The following CCDC158 variants were observed in gnomAD, a reference collection of about 807,000 sequenced individuals.
The protein encoded by CCDC158 is coiled-coil domain-containing protein 158.
CCDC158 carries 116 observed loss-of-function variants against 138.6 expected under a neutral mutation model. That is an observed-to-expected ratio of 0.84 (90% CI 0.72 to 0.98). The LOEUF is 0.98. CCDC158 is among the 50% of genes least tolerant of loss of function. CCDC158 has a pLI of 0.00. For synonymous variants in CCDC158, 436 were observed against 442.4 expected, an observed-to-expected ratio of 0.99 and a Z score of 0.18; for missense variants, 1,265 against 1,306.1, an observed-to-expected ratio of 0.97 and a Z score of 0.48.
At chr4:76,390,656 G>T (rs980822786) in intron 4 of CCDC158, among the ~76,000 whole-genome samples, 4 of 151,952 alleles carry the variant, frequency 2.6e-5, no homozygotes, top group Non-Finnish European at 5.9e-5. Context: ...AACATAAATG[G>T]ACTAAATTGT....
At chr4:76,396,245 G>A (rs1269366291) in intron 4 of CCDC158, 24 bp downstream of exon 4, 1 of 1,527,420 alleles carries the variant, frequency 6.5e-7, no homozygotes, top group South Asian at 1.1e-5. Flanking sequence ...ATAGCATCAG[G>A]TGCTAGAAGA....
At chr4:76,395,583 T>C (rs1310606425) in intron 4 of CCDC158, among the ~76,000 whole-genome samples, 1 of 152,012 alleles carries the variant, frequency 6.6e-6, no homozygotes, top group Non-Finnish European at 1.5e-5. Context: ...GAAAATGGCC[T>C]GGGCAAAGGC....
chr4:76,332,696 G>A (rs561613399), intron 19 of CCDC158, among the ~76,000 whole-genome samples: 42 of 152,226 alleles, frequency 2.8e-4, no homozygotes, highest in African/African-American at 1.0e-3. Flanking sequence ...AAAGCTTTAC[G>A]CTGAGTTTAG....
In CCDC158 at chr4:76,391,418, C is replaced by T. The variant is rs147362734; in HGVS notation, c.288+4851G>A. On this transcript the variant is annotated intron_variant, in intron 4 of 24. Transcript: ENST00000682701. ...ATACACAGAAATTAAACAATATGCT[C>T]CTAAATGACCAGTGAGTCAATGAAG... Among the ~76,000 whole-genome samples the T allele has an allele frequency of 5.1e-4, 77 of 151,920 alleles. 1 individual carries two copies. Among genetic ancestry groups the T allele is most frequent in the African/African-American group, 1.8e-3 (73 of 41,480 alleles).
chr4:76,378,656 T>C (rs1725941991), intron 9 of CCDC158, among the ~76,000 whole-genome samples: 1 of 151,414 alleles, frequency 6.6e-6, no homozygotes. Context: ...TTGTTTGTTT[T>C]TTAGGGTCTT....
chr4:76,348,290 C>T (rs1364785905), intron 18 of CCDC158, among the ~76,000 whole-genome samples: 1 of 144,492 alleles, frequency 6.9e-6, no homozygotes, highest in Non-Finnish European at 1.5e-5. Context: ...AAAAAATTAG[C>T]CAGGCGAGGT....
At chr4:76,401,932 A>C (rs564491400) in intron 3 of CCDC158, 1 of 152,472 alleles carries the variant, frequency 6.6e-6, no homozygotes, top group African/African-American at 2.4e-5. Flanking sequence ...GGAGATGACA[A>C]TGGCATTTTA....
intron 8 of CCDC158, 84 bp downstream of exon 8, chr4:76,382,526 T>C (rs1726361867): frequency 2.4e-6 from 2 of 841,798 alleles, no homozygotes; most frequent in South Asian, 1.7e-5. Context: ...ACTAAGCAAG[T>C]TCTAAAAGAT....
chr4:76,333,977 G>A lies in CCDC158; in HGVS notation c.2822+33C>T, dbSNP rs758107406. 1.1e-5 allele frequency: 17 copies of A among 1,480,482 alleles called. No homozygotes were observed. In the East Asian group the frequency reaches 3.0e-4, roughly 26 times the overall value. The allele number at this position is 1,480,482 out of a possible 1,614,324, so 91.7% of individuals were successfully genotyped here. On this transcript the variant is annotated intron_variant, in intron 19 of 24. Coordinates refer to ENST00000682701, the MANE Select transcript of CCDC158 (RefSeq NM_001394954.1). Reference sequence around the variant, plus strand: ...CTCAATGGCAAACCATTCAAGAGATGAGCTTTCCCATTCTGTGTGCACACA... The same window carrying A: ...CTCAATGGCAAACCATTCAAGAGATAAGCTTTCCCATTCTGTGTGCACACA...
At chr4:76,355,570 T>C in intron 14 of CCDC158, 134 bp from the exon 15 acceptor site, 1 of 674,468 alleles carries the variant, frequency 1.5e-6, no homozygotes, top group Non-Finnish European at 2.7e-6. Context: ...AAGGAAAAGA[T>C]CATGGACGAA....
At chr4:76,370,816 C>G (rs1385219378) in intron 10 of CCDC158, among the ~76,000 whole-genome samples, 2 of 152,156 alleles carry the variant, frequency 1.3e-5, no homozygotes, top group Admixed American at 1.3e-4. Context: ...CTATCCTTAC[C>G]TCAGCTCATC....
rs1444464860 is a variant in CCDC158 at position 76,384,223 on chromosome 4, T to C, written c.591A>G (p.Glu197=). ...CACATATTTTTTTGCCTGAGGCTTCTTCAAAGTCAACTAGGATTGACCGGA... is the reference window on the plus strand; with the variant it reads ...CACATATTTTTTTGCCTGAGGCTTCCTCAAAGTCAACTAGGATTGACCGGA... ...QEIRSILVDF[E]EASGKKICEH... The change falls in exon 6 of 25, where the codon GAA becomes GAG. Residue 197 remains glutamate (E), a synonymous_variant. Coordinates refer to ENST00000682701, the MANE Select transcript of CCDC158 (RefSeq NM_001394954.1). The C allele has an allele frequency of 6.2e-7, 1 of 1,614,076 alleles. No homozygotes were observed. Among genetic ancestry groups the C allele is most frequent in the African/African-American group, 1.3e-5 (1 of 74,946 alleles).
intron 9 of CCDC158, among the ~76,000 whole-genome samples, chr4:76,372,281 A>T (rs1000827379): frequency 2.0e-5 from 3 of 152,124 alleles, no homozygotes; most frequent in Non-Finnish European, 2.9e-5. Flanking sequence ...ACTACAAAAA[A>T]TATTTTTTTA....
Position 76,403,279 on chromosome 4 carries a change from G to C in CCDC158, c.-72C>G. The stretch of plus-strand genomic sequence containing the variant: ...TCCCTCTTTGGTTCTTTTGGTTCCT[G>C]TCTATGAAAGACAGAGATTCAATCT... On this transcript the variant is annotated splice_region_variant and 5_prime_UTR_variant, in exon 3 of 25. Transcript: ENST00000682701. 1 of 1,012,780 alleles carries C rather than the reference G, an allele frequency of 9.9e-7. No individual in the cohort carries two copies. Among genetic ancestry groups the C allele is most frequent in the Non-Finnish European group, 1.5e-6 (1 of 679,922 alleles). 62.7% of individuals were successfully genotyped at this position (1,012,780 alleles called of 1,614,324 possible). A position where few individuals can be genotyped will look rare whatever the true frequency, so the allele number is the denominator to read the frequency against.
intron 18 of CCDC158, among the ~76,000 whole-genome samples, chr4:76,338,934 C>A (rs1721796221): frequency 6.6e-6 from 1 of 152,066 alleles, no homozygotes; most frequent in South Asian, 2.1e-4. Context: ...TCTAAGACTG[C>A]CAACGAAAAG....
At chr4:76,416,794 G>A (rs559999795) in intron 1 of CCDC158, among the ~76,000 whole-genome samples, 17 of 152,308 alleles carry the variant, frequency 1.1e-4, no homozygotes, top group Admixed American at 9.2e-4. Flanking sequence ...GTATGGAAAC[G>A]CCTGGATGCC....
At chr4:76,400,346 T>C (rs1376704011) in intron 3 of CCDC158, among the ~76,000 whole-genome samples, 1 of 139,208 alleles carries the variant, frequency 7.2e-6, no homozygotes, top group African/African-American at 2.7e-5. Context: ...TAGATGGGAA[T>C]TGAACAACGA....
chr4:76,398,653 C>A (rs572127626), intron 3 of CCDC158, among the ~76,000 whole-genome samples: 1 of 116,154 alleles, frequency 8.6e-6, no homozygotes, highest in African/African-American at 3.3e-5. Context: ...GGCAACAAAG[C>A]GAGACTCTGT....
intron 18 of CCDC158, among the ~76,000 whole-genome samples, chr4:76,347,033 G>T (rs1224810959): frequency 6.6e-6 from 1 of 152,114 alleles, no homozygotes; most frequent in African/African-American, 2.4e-5. Flanking sequence ...AAAAACAAAC[G>T]CTGGAGAGGA....
Sources: gnomAD v4.1 joint callset for allele counts (sites outside exome capture counted in the v4.1 genomes callset) on GRCh38, gnomAD v4.1.1 for gene constraint, MANE v1.5 for transcripts, NCBI Gene and HGNC (gene_info 2026-07-23, HGNC 2026-07-21) for gene names.